JMJD1C: variants seen among roughly 807,000 people sequenced by gnomAD.
JMJD1C encodes jumonji domain containing 1C, also known as jumonji domain-containing protein 1C.
A neutral mutation model predicts 245.3 loss-of-function variants in JMJD1C; 31 were observed. That is an observed-to-expected ratio of 0.13 (90% CI 0.09 to 0.17). The LOEUF (loss-of-function observed/expected upper bound fraction) is 0.17, where lower values mean the gene tolerates loss of function less well. JMJD1C is among the 10% of genes least tolerant of loss of function. The probability of loss-of-function intolerance (pLI) is 1.00; values close to 1 mark genes in which losing one functional copy is unlikely to be tolerated. For missense variants in JMJD1C, 2,691 were observed against 3,000.2 expected (o/e 0.90, Z 2.41); for synonymous variants, 1,057 against 1,017.4 (o/e 1.04, Z -0.74).
chr10:63,369,162 TCTC>T (rs1317303127), intron 2 of JMJD1C, among the ~76,000 whole-genome samples: 1 of 151,824 alleles, frequency 6.6e-6, no homozygotes, highest in Non-Finnish European at 1.5e-5. Context: ...TCTCTTTTCT[TCTC>T]CTCTTCTCGT....
Position 63,358,429 on chromosome 10 carries a change from G to GGT in JMJD1C, c.333+21887_333+21888dup, listed in dbSNP as rs910774112. 5.3e-5 allele frequency among the ~76,000 whole-genome samples: 8 copies of GGT among 151,920 alleles called. 1 individual carries two copies. Among genetic ancestry groups the GGT allele is most frequent in the Non-Finnish European group, 8.8e-5 (6 of 68,002 alleles). On this transcript the variant is annotated intron_variant, in intron 2 of 25. Coordinates refer to ENST00000399262, the MANE Select transcript of JMJD1C (RefSeq NM_032776.3). ...AAAAAAATCTGAAGATAGATACGGT[G>GGT]GTGTGTACCTGTCGTCCCAGCTACT...
intron 3 of JMJD1C, among the ~76,000 whole-genome samples, chr10:63,243,108 TATATATATATATATATAA>T (rs1239264578): frequency 8.0e-6 from 1 of 124,776 alleles, no homozygotes; most frequent in South Asian, 2.6e-4. Flanking sequence ...ATAAATTATA[TATATATATATATATATAA>T]ATATATATAT....
chr10:63,480,275 G>A (rs1242816114), intron 1 of JMJD1C, among the ~76,000 whole-genome samples: 1 of 151,612 alleles, frequency 6.6e-6, no homozygotes, highest in South Asian at 2.1e-4. Flanking sequence ...AAATACATTC[G>A]ATGGGAGCAC....
chr10:63,354,618 C>T (rs1944650751), intron 2 of JMJD1C, among the ~76,000 whole-genome samples: 1 of 151,654 alleles, frequency 6.6e-6, no homozygotes, highest in Admixed American at 6.6e-5. Flanking sequence ...TTTTAATCAT[C>T]TTTTATATTT....
intron 1 of JMJD1C, among the ~76,000 whole-genome samples, chr10:63,491,538 G>C (rs1485444454): frequency 6.6e-6 from 1 of 152,128 alleles, no homozygotes; most frequent in Non-Finnish European, 1.5e-5. Flanking sequence ...TGAAGAAAAG[G>C]AAAATCTTCC....
chr10:63,324,032 C>T (rs944357105), intron 2 of JMJD1C, among the ~76,000 whole-genome samples: 4 of 125,632 alleles, frequency 3.2e-5, no homozygotes, highest in Non-Finnish European at 3.3e-5. Flanking sequence ...ATTCATCCTT[C>T]GTCTGCCTTT....
intron 2 of JMJD1C, among the ~76,000 whole-genome samples, chr10:63,304,216 T>C (rs1564759038): frequency 6.6e-6 from 1 of 152,228 alleles, no homozygotes; most frequent in Non-Finnish European, 1.5e-5. Context: ...TTGAAAACCA[T>C]TAAATATGAA....
intron 1 of JMJD1C, among the ~76,000 whole-genome samples, chr10:63,449,784 A>AT (rs1234094190): frequency 6.6e-6 from 1 of 152,132 alleles, no homozygotes; most frequent in African/African-American, 2.4e-5. Context: ...AAAGATATTC[A>AT]TACTTCCTAA....
At chr10:63,341,919 G>A (rs1943418118) in intron 2 of JMJD1C, among the ~76,000 whole-genome samples, 1 of 152,212 alleles carries the variant, frequency 6.6e-6, no homozygotes, top group African/African-American at 2.4e-5. Context: ...TTTGGACACA[G>A]TTACTAATGA....
At chr10:63,497,613 C>T (rs944678659) in intron 1 of JMJD1C, among the ~76,000 whole-genome samples, 1 of 152,188 alleles carries the variant, frequency 6.6e-6, no homozygotes, top group African/African-American at 2.4e-5. Context: ...CAACTGTGTA[C>T]TTTAATTGGG....
Position 63,197,497 on chromosome 10 carries a change from A to C in JMJD1C, c.5558T>G (p.Leu1853Trp). ...REMCDACEAT[L>W]FNIHWVCQKC... ...TTGGCAGACCCAGTGAATGTTAAAC[A>C]ATGTTGCTTCACATGCATCACACAT... Residue 1853 changes from leucine to tryptophan, a missense_variant, in exon 13 of 26, where the codon TTG (leucine) becomes TGG (tryptophan). Coordinates refer to ENST00000399262, the MANE Select transcript of JMJD1C (RefSeq NM_032776.3). 1 of 1,609,980 alleles carries C rather than the reference A, an allele frequency of 6.2e-7. No individual in the cohort carries two copies. The highest frequency in any genetic ancestry group is 1.7e-5 in the Admixed American group (1 of 58,974).
intron 3 of JMJD1C, among the ~76,000 whole-genome samples, chr10:63,236,251 T>C (rs1417044913): frequency 1.3e-5 from 2 of 152,178 alleles, no homozygotes; most frequent in African/African-American, 2.4e-5. Flanking sequence ...ATAACAATAT[T>C]CCCTTGAATA....
At chr10:63,350,216 T>G (rs10761748) in intron 2 of JMJD1C, among the ~76,000 whole-genome samples, 100,958 of 151,972 alleles carry the variant, frequency 0.66, 36,145 homozygotes, top group Non-Finnish European at 0.81. Flanking sequence ...TGTGTGTGGG[T>G]TTATTGTTTG....
intron 1 of JMJD1C, among the ~76,000 whole-genome samples, chr10:63,505,699 G>C (rs1465289539): frequency 6.6e-6 from 1 of 151,864 alleles, no homozygotes; most frequent in African/African-American, 2.4e-5. Context: ...CAGAAGATTT[G>C]AGCATAGGCT....
intron 2 of JMJD1C, among the ~76,000 whole-genome samples, chr10:63,272,552 A>G (rs573582740): frequency 4.6e-5 from 7 of 152,186 alleles, no homozygotes; most frequent in Non-Finnish European, 8.8e-5. Context: ...GCTCCCAGCC[A>G]AGGTAACTTT....
chr10:63,443,678 G>A (rs796446513), intron 1 of JMJD1C, among the ~76,000 whole-genome samples: 5 of 152,282 alleles, frequency 3.3e-5, no homozygotes, highest in African/African-American at 1.2e-4. Context: ...GGTTACATAT[G>A]CCACTGGTAA....
At chr10:63,330,138 G>T (rs997616501) in intron 2 of JMJD1C, among the ~76,000 whole-genome samples, 12 of 152,178 alleles carry the variant, frequency 7.9e-5, no homozygotes, top group Admixed American at 3.9e-4. Context: ...CTGACCTCAG[G>T]TGATCCACCT....
chr10:63,507,643 T>TAAAAAAAAAAAAAAAAAAAAAAA (rs1228395781), intron 1 of JMJD1C, among the ~76,000 whole-genome samples: 1 of 956 alleles, frequency 1.0e-3, no homozygotes, highest in African/African-American at 3.3e-3. Flanking sequence ...AGACTCTGTC[T>TAAAAAAAAAAAAAAAAAAAAAAA]CAAAAAAAAA....
intron 1 of JMJD1C, among the ~76,000 whole-genome samples, chr10:63,416,665 C>T (rs1646030369): frequency 6.6e-6 from 1 of 152,008 alleles, no homozygotes; most frequent in South Asian, 2.1e-4. Context: ...CTTTAAGAAG[C>T]TAAACAAAGA....
Sources: allele counts gnomAD v4.1 joint callset (sites outside exome capture counted in the v4.1 genomes callset), GRCh38; gene constraint gnomAD v4.1.1; transcripts MANE v1.5; gene names NCBI Gene and HGNC (gene_info 2026-07-23, HGNC 2026-07-21).